Variants in C1orf226 observed in about 807,000 individuals in gnomAD.
C1orf226 encodes uncharacterized protein C1orf226.
In C1orf226, 4 loss-of-function variants were observed where a neutral mutation model predicts 10.5. The observed-to-expected ratio is 0.38, with a 90% CI of 0.19 to 0.87. The LOEUF (loss-of-function observed/expected upper bound fraction) is 0.87. C1orf226 is among the 40% of genes least tolerant of loss of function. C1orf226 has a pLI of 0.41. For synonymous variants in C1orf226, 125 were observed against 139.3 expected, an observed-to-expected ratio of 0.90 and a Z score of 0.72; for missense variants, 313 against 336.2, an observed-to-expected ratio of 0.93 and a Z score of 0.54.
At chr1:162,380,606 A>G (rs1451286289), upstream of C1orf226, among the ~76,000 whole-genome samples, 1 of 152,246 alleles carries the variant, frequency 6.6e-6, no homozygotes, top group Non-Finnish European at 1.5e-5. Flanking sequence ...TCCTTTCCTC[A>G]GACTGACAAC....
At chr1:162,380,670 A>G (rs912740384), upstream of C1orf226, among the ~76,000 whole-genome samples, 2 of 152,228 alleles carry the variant, frequency 1.3e-5, no homozygotes, top group Non-Finnish European at 2.9e-5. Context: ...CCAAGGCCTC[A>G]GAGTGGGTCT....
Position 162,384,842 on chromosome 1 carries a change from C to A in C1orf226, c.*1159C>A. 6.5e-6 allele frequency: 1 copy of A among 153,290 alleles called. No individual in the cohort carries two copies. The highest frequency in any genetic ancestry group is 1.5e-5 in the Non-Finnish European group (1 of 68,494). The allele number at this position is 153,290 out of a possible 1,614,324, so 9.5% of individuals were successfully genotyped here. On this transcript the variant is annotated 3_prime_UTR_variant, in exon 2 of 2. Coordinates refer to ENST00000458626, the MANE Select transcript of C1orf226 (RefSeq NM_001085375.2). ...CTGGGCCTCCTGCAGCTCTGGACCT[C>A]ACTGGAGCGGCCCCGCCCTGCCCTT...
chr1:162,382,424 C>T (rs1315515576), intron 1 of C1orf226, among the ~76,000 whole-genome samples: 1 of 152,120 alleles, frequency 6.6e-6, no homozygotes, highest in South Asian at 2.1e-4. Context: ...TGAGTGCCCA[C>T]CATGTCCTCG....
At chr1:162,380,052 TAAG>T (rs1334156582), upstream of C1orf226, among the ~76,000 whole-genome samples, 1 of 152,114 alleles carries the variant, frequency 6.6e-6, no homozygotes, top group Non-Finnish European at 1.5e-5. Context: ...TTAAAGAAAA[TAAG>T]AAGGATGTGG....
At chr1:162,382,346 A>G in intron 1 of C1orf226, 128 bp downstream of exon 1, 1 of 1,231,430 alleles carries the variant, frequency 8.1e-7, no homozygotes, top group Non-Finnish European at 1.1e-6. Context: ...CCTGTACTGA[A>G]AAGCTGCAGG....
upstream of C1orf226, among the ~76,000 whole-genome samples, chr1:162,380,807 G>A (rs1275896578): frequency 6.6e-6 from 1 of 152,124 alleles, no homozygotes; most frequent in Non-Finnish European, 1.5e-5. Context: ...CTACCACCTT[G>A]GCCACCACAA....
upstream of C1orf226, chr1:162,379,119 G>C: frequency 2.5e-6 from 2 of 786,392 alleles, no homozygotes; most frequent in Non-Finnish European, 4.2e-6. Context: ...GTACTGTTGG[G>C]AGGGCCACCT....
chr1:162,386,429 A>G lies in C1orf226; in HGVS notation c.*2746A>G, dbSNP rs1316516331. ...AGAGGGCAGGGTAATGAGGAGGAGT[A>G]AAGGACCTATCTTCTCTGTCCACAT... On this transcript the variant is annotated 3_prime_UTR_variant, in exon 2 of 2. Transcript: ENST00000458626. 6 of 152,278 alleles carry G rather than the reference A, an allele frequency of 3.9e-5. No homozygotes were observed. Among genetic ancestry groups the G allele is most frequent in the Non-Finnish European group, 8.8e-5 (6 of 68,068 alleles). The allele number at this position is 152,278 out of a possible 1,614,324, so 9.4% of individuals were successfully genotyped here.
chr1:162,380,504 C>G (rs6695553), upstream of C1orf226, among the ~76,000 whole-genome samples: 84,019 of 152,126 alleles, frequency 0.55, 23,381 homozygotes, highest in East Asian at 0.61. Flanking sequence ...CACCCTAACC[C>G]CAGTTACTCT....
At position 162,382,679 on chromosome 1, in the gene C1orf226, G is replaced by A. The variant is rs138353612; in HGVS notation, c.317+461G>A. Among the ~76,000 whole-genome samples, 419 of 152,258 alleles carry A rather than the reference G, an allele frequency of 2.8e-3. 2 individuals are homozygous for A. The highest frequency in any genetic ancestry group is 9.6e-3 in the African/African-American group (398 of 41,546). ...GGTCCCCAGGTAGATTCTGATGCCCGGCCATAGCTGAGAAGCGCTGCCGTA... is the reference window on the plus strand; with the variant it reads ...GGTCCCCAGGTAGATTCTGATGCCCAGCCATAGCTGAGAAGCGCTGCCGTA... On this transcript the variant is annotated intron_variant, in intron 1 of 1. Coordinates refer to ENST00000458626, the MANE Select transcript of C1orf226 (RefSeq NM_001085375.2).
rs1216442492 is a variant in C1orf226 at position 162,386,612 on chromosome 1, T to C, written c.*2929T>C. The C allele has an allele frequency of 6.6e-6, 1 of 152,110 alleles. No homozygotes were observed. The allele number at this position is 152,110 out of a possible 1,614,324, so 9.4% of individuals were successfully genotyped here. A position where few individuals can be genotyped will look rare whatever the true frequency, so the allele number is the denominator to read the frequency against. ...ATCCCCCTGCACAGAGGGAAGTGTATCTGAATGTTGTGTATGTGGCTGATA... is the reference window on the plus strand; with the variant it reads ...ATCCCCCTGCACAGAGGGAAGTGTACCTGAATGTTGTGTATGTGGCTGATA... On this transcript the variant is annotated 3_prime_UTR_variant, in exon 2 of 2. Transcript: ENST00000458626.
rs576170012 is a variant in C1orf226 at position 162,385,639 on chromosome 1, G to A, written c.*1956G>A. 10 of 152,318 alleles carry A rather than the reference G, an allele frequency of 6.6e-5. No homozygotes were observed. Among genetic ancestry groups the A allele is most frequent in the African/African-American group, 9.6e-5 (4 of 41,552 alleles). The allele number at this position is 152,318 out of a possible 1,614,324, so 9.4% of individuals were successfully genotyped here. A position where few individuals can be genotyped will look rare whatever the true frequency, so the allele number is the denominator to read the frequency against. On this transcript the variant is annotated 3_prime_UTR_variant, in exon 2 of 2. Coordinates refer to ENST00000458626, the MANE Select transcript of C1orf226 (RefSeq NM_001085375.2). The stretch of plus-strand genomic sequence containing the variant: ...AGAGGAGGTCTCAGGACTAGCATTC[G>A]GGGTCCTTTGAGTGTTCCCAGAATG...
upstream of C1orf226, among the ~76,000 whole-genome samples, chr1:162,380,278 G>A (rs1045742561): frequency 6.6e-6 from 1 of 152,176 alleles, no homozygotes; most frequent in Non-Finnish European, 1.5e-5. Context: ...AGTGGTGCAG[G>A]CCACAGGGCT....
chr1:162,383,546 G>C lies in C1orf226; in HGVS notation c.682G>C (p.Glu228Gln). The change falls in exon 2 of 2, where the codon GAG (glutamate) becomes CAG (glutamine). Residue 228 changes from glutamate to glutamine, a missense_variant. Glu to Gln is a conservative substitution (Grantham distance 29). Coordinates refer to ENST00000458626, the MANE Select transcript of C1orf226 (RefSeq NM_001085375.2). Reference protein sequence around the residue: ...CRRASSPSLIERNGFKLSLSP... With the variant: ...CRRASSPSLIQRNGFKLSLSP... The stretch of plus-strand genomic sequence containing the variant: ...AAGGGCCTCCTCCCCCAGCCTTATC[G>C]AGAGGAATGGCTTCAAACTCAGCTT... 2 of 1,606,148 alleles carry C rather than the reference G, an allele frequency of 1.2e-6. No homozygotes were observed. The highest frequency in any genetic ancestry group is 1.1e-5 in the South Asian group (1 of 89,436).
At chr1:162,379,441 A>G (rs950313786), upstream of C1orf226, among the ~76,000 whole-genome samples, 34 of 152,238 alleles carry the variant, frequency 2.2e-4, no homozygotes, top group Admixed American at 3.9e-4. Flanking sequence ...ATGTCAGTCC[A>G]TCATGCAATT....
At chr1:162,382,570 C>T (rs540513620) in intron 1 of C1orf226, among the ~76,000 whole-genome samples, 3 of 152,296 alleles carry the variant, frequency 2.0e-5, no homozygotes, top group East Asian at 1.9e-4. Flanking sequence ...AGATAACTCA[C>T]GTTCAGACAG....
At chr1:162,382,250 C>T (rs763579183) in intron 1 of C1orf226, 32 bp downstream of exon 1, 9 of 1,536,126 alleles carry the variant, frequency 5.9e-6, no homozygotes, top group African/African-American at 2.8e-5. Context: ...CATCCATGCC[C>T]CTCTGTGGAC....
chr1:162,380,267 C>CAGTG (rs1647862404), upstream of C1orf226, among the ~76,000 whole-genome samples: 1 of 152,192 alleles, frequency 6.6e-6, no homozygotes, highest in South Asian at 2.1e-4. Flanking sequence ...CCTCACCCTG[C>CAGTG]AGTGGTGCAG....
Position 162,386,799 on chromosome 1 carries a change from A to G in C1orf226, c.*3116A>G, listed in dbSNP as rs1648120565. On this transcript the variant is annotated 3_prime_UTR_variant, in exon 2 of 2. Transcript: ENST00000458626. ...TGGTAGAAGGAAATTGCACAATAAA[A>G]TGATTTGGTTTGGTTTGCTGGCTTT... 6.6e-6 allele frequency: 1 copy of G among 152,330 alleles called. No individual in the cohort carries two copies. Among genetic ancestry groups the G allele is most frequent in the Admixed American group, 6.5e-5 (1 of 15,306 alleles). 9.4% of individuals were successfully genotyped at this position (152,330 alleles called of 1,614,324 possible).
Sources: allele counts gnomAD v4.1 joint callset (sites outside exome capture counted in the v4.1 genomes callset), GRCh38; gene constraint gnomAD v4.1.1; transcripts MANE v1.5; gene names NCBI Gene and HGNC (gene_info 2026-07-23, HGNC 2026-07-21).